R3HDM2: variants seen among roughly 807,000 people sequenced by gnomAD.
The protein encoded by R3HDM2 is R3H domain containing 2, also known as R3H domain-containing protein 2.
Under a neutral mutation model 124.5 loss-of-function variants are expected in R3HDM2, and 38 were observed. That is an observed-to-expected ratio of 0.31 (90% confidence interval 0.24 to 0.40). The LOEUF (loss-of-function observed/expected upper bound fraction) is 0.40, where lower values mean the gene tolerates loss of function less well. Among genes scored for constraint, R3HDM2 ranks in the 10% least tolerant of loss-of-function variants. The pLI is 1.00. For synonymous variants in R3HDM2, 391 were observed against 448.0 expected, an observed-to-expected ratio of 0.87 and a Z score of 1.61; for missense variants, 869 against 1,236.9, an observed-to-expected ratio of 0.70 and a Z score of 4.46.
At chr12:57,378,020 A>C (rs2064323329) in intron 2 of R3HDM2, among the ~76,000 whole-genome samples, 1 of 152,132 alleles carries the variant, frequency 6.6e-6, no homozygotes, top group Admixed American at 6.6e-5. Flanking sequence ...AATCTCTTGA[A>C]CCCAGGAGGC....
intron 14 of R3HDM2, among the ~76,000 whole-genome samples, chr12:57,271,774 A>G (rs1280034292): frequency 6.6e-6 from 1 of 152,262 alleles, no homozygotes; most frequent in Non-Finnish European, 1.5e-5. Context: ...TGTAGAGTAC[A>G]AACGATTTAA....
intron 2 of R3HDM2, among the ~76,000 whole-genome samples, chr12:57,319,880 A>G (rs564682401): frequency 2.0e-5 from 3 of 152,254 alleles, no homozygotes; most frequent in South Asian, 4.2e-4. Flanking sequence ...CTTTCAGCCA[A>G]TGCAGAAGGC....
chr12:57,343,426 T>G (rs899902378), intron 2 of R3HDM2, among the ~76,000 whole-genome samples: 5 of 151,938 alleles, frequency 3.3e-5, no homozygotes, highest in Non-Finnish European at 5.9e-5. Flanking sequence ...CGACCTCAGG[T>G]GATCTGCCTG....
At chr12:57,385,912 G>A (rs1367300413) in intron 2 of R3HDM2, among the ~76,000 whole-genome samples, 1 of 152,068 alleles carries the variant, frequency 6.6e-6, no homozygotes, top group Non-Finnish European at 1.5e-5. Context: ...ATGCTCTCAT[G>A]GGTGTATGGT....
chr12:57,423,717 C>T (rs373426832), intron 1 of R3HDM2, among the ~76,000 whole-genome samples: 23 of 138,912 alleles, frequency 1.7e-4, no homozygotes, highest in African/African-American at 5.4e-4. Flanking sequence ...GAGGCTGAGG[C>T]GATTGCTTGA....
rs1442667145 is a variant in R3HDM2 at position 57,422,149 on chromosome 12, A to AT, written c.-106+8570dup. 2.0e-5 allele frequency among the ~76,000 whole-genome samples: 3 copies of AT among 151,486 alleles called. No homozygotes were observed. In the Admixed American group the frequency reaches 2.0e-4, roughly 10 times the overall value. On this transcript the variant is annotated intron_variant, in intron 1 of 23. Coordinates refer to ENST00000402412, the MANE Select transcript of R3HDM2 (RefSeq NM_001394031.1). ...AGTCCATCTATCCCTCTGCACTTGC[A>AT]TGACTACTTTAGACCCTATTTCTTA...
chr12:57,261,406 G>T (rs1031353197), intron 19 of R3HDM2, among the ~76,000 whole-genome samples: 20 of 152,288 alleles, frequency 1.3e-4, no homozygotes, highest in African/African-American at 4.8e-4. Flanking sequence ...TGGAGAAGGG[G>T]GTGAGTGTGT....
At position 57,425,190 on chromosome 12, in the gene R3HDM2, T is replaced by C. The variant is rs12314262; in HGVS notation, c.-106+5530A>G. On this transcript the variant is annotated intron_variant, in intron 1 of 23. Transcript: ENST00000402412. ...GGGAGGCTGAGGCAGGAGAATCACT[T>C]GAACCCAGGAGGTGGAAGTTGCGGT... is the stretch of plus-strand genomic sequence containing the variant. Among the ~76,000 whole-genome samples, 1,249 of 151,866 alleles carry C rather than the reference T, an allele frequency of 8.2e-3. 16 individuals are homozygous for C. Among genetic ancestry groups the C allele is most frequent in the African/African-American group, 0.028 (1,165 of 41,388 alleles).
At chr12:57,336,521 G>C (rs1039915874) in intron 2 of R3HDM2, among the ~76,000 whole-genome samples, 1 of 152,160 alleles carries the variant, frequency 6.6e-6, no homozygotes, top group African/African-American at 2.4e-5. Flanking sequence ...CAGGAACAGG[G>C]ATGAAGCTCA....
At chr12:57,350,401 A>T (rs1249169890) in intron 2 of R3HDM2, among the ~76,000 whole-genome samples, 8 of 152,218 alleles carry the variant, frequency 5.3e-5, no homozygotes, top group Admixed American at 5.2e-4. Flanking sequence ...AAAGAAAAAA[A>T]AGCTTACATG....
intron 1 of R3HDM2, among the ~76,000 whole-genome samples, chr12:57,397,690 A>G (rs1210134837): frequency 1.3e-5 from 2 of 152,116 alleles, no homozygotes; most frequent in African/African-American, 2.4e-5. Context: ...GTTCCCCCCT[A>G]TGCAAAATAT....
intron 2 of R3HDM2, among the ~76,000 whole-genome samples, chr12:57,349,264 C>T (rs1217924716): frequency 6.6e-6 from 1 of 150,870 alleles, no homozygotes; most frequent in African/African-American, 2.4e-5. Flanking sequence ...CCTGTAGTCC[C>T]AGCTACTCGG....
chr12:57,305,566 C>T (rs1228434341), intron 3 of R3HDM2: 1 of 398,496 alleles, frequency 2.5e-6, no homozygotes, highest in African/African-American at 2.1e-5. Context: ...AACAGCCAAA[C>T]ATATATTAAA....
rs11172178 is a variant in R3HDM2 at position 57,357,516 on chromosome 12, G to T, written c.-36+38233C>A. On this transcript the variant is annotated intron_variant, in intron 2 of 23. Transcript: ENST00000402412. ...ATATTCAATGCCTGGAAAATCATCA[G>T]TGATGTTGTCTCTCTCATACATACC... 3.6e-4 allele frequency among the ~76,000 whole-genome samples: 55 copies of T among 151,912 alleles called. 3 individuals are homozygous for T. In the East Asian group the frequency reaches 8.3e-3, roughly 23 times the overall value.
Position 57,327,466 on chromosome 12 carries a change from C to CAA in R3HDM2, c.-35-17005_-35-17004dup, listed in dbSNP as rs34045324. ...TGGGCGACAGAGCAAGACTCCGTCT[C>CAA]AAAAAAAAAAAAAAAAAGAAATACA... On this transcript the variant is annotated intron_variant, in intron 2 of 23. Coordinates refer to ENST00000402412, the MANE Select transcript of R3HDM2 (RefSeq NM_001394031.1). 6.2e-3 allele frequency among the ~76,000 whole-genome samples: 660 copies of CAA among 105,626 alleles called. 13 individuals are homozygous for CAA. In the East Asian group the frequency reaches 0.071, roughly 11 times the overall value. The allele number at this position is 105,626 out of a possible 152,430, so 69.3% of individuals were successfully genotyped here.
At chr12:57,309,063 A>C in intron 3 of R3HDM2, among the ~76,000 whole-genome samples, 1 of 152,270 alleles carries the variant, frequency 6.6e-6, no homozygotes, top group East Asian at 1.9e-4. Context: ...AAAAGCAGGC[A>C]GCTAGAGAAC....
intron 14 of R3HDM2, 39 bp downstream of exon 14, chr12:57,280,319 T>C: frequency 6.3e-7 from 1 of 1,574,804 alleles, no homozygotes; most frequent in Non-Finnish European, 8.6e-7. Context: ...TTTGCTTGAA[T>C]CAGAGTGGAG....
intron 2 of R3HDM2, among the ~76,000 whole-genome samples, chr12:57,343,231 C>G (rs1240832171): frequency 7.1e-6 from 1 of 141,588 alleles, no homozygotes; most frequent in East Asian, 2.1e-4. Context: ...ACTCTTGTTG[C>G]CCAAGCTAGA....
intron 1 of R3HDM2, among the ~76,000 whole-genome samples, chr12:57,419,445 C>CAT (rs1555319020): frequency 1.4e-5 from 2 of 144,034 alleles, no homozygotes; most frequent in Non-Finnish European, 1.5e-5. Flanking sequence ...ATCTGGCCAT[C>CAT]TTTTTTTTTT....
Sources: allele counts gnomAD v4.1 joint callset (sites outside exome capture counted in the v4.1 genomes callset), GRCh38; gene constraint gnomAD v4.1.1; transcripts MANE v1.5; gene names NCBI Gene and HGNC (gene_info 2026-07-23, HGNC 2026-07-21).